The following USP15 variants were observed in gnomAD, a reference collection of about 807,000 sequenced individuals.
The protein encoded by USP15 is ubiquitin specific peptidase 15.
USP15 carries 18 observed loss-of-function variants against 127.1 expected under a neutral mutation model. That is an observed-to-expected ratio of 0.14 (90% CI 0.10 to 0.21). The LOEUF is 0.21. Among genes scored for constraint, USP15 ranks in the 10% least tolerant of loss-of-function variants. The pLI, the probability that USP15 is intolerant of heterozygous loss-of-function variation, is 1.00. For synonymous variants in USP15, 364 were observed against 393.7 expected, an observed-to-expected ratio of 0.92 and a Z score of 0.89; for missense variants, 805 against 1,159.9, an observed-to-expected ratio of 0.69 and a Z score of 4.44.
chr12:62,302,650 C>T (rs1393560558), intron 2 of USP15, 140 bp from the exon 3 acceptor site: 3 of 781,738 alleles, frequency 3.8e-6, no homozygotes, highest in African/African-American at 1.7e-5. Context: ...AAATTGGACA[C>T]CCCTGATGTA....
intron 4 of USP15, 86 bp downstream of exon 4, chr12:62,315,002 A>G: frequency 2.4e-6 from 3 of 1,275,480 alleles, no homozygotes; most frequent in Non-Finnish European, 3.1e-6. Context: ...TTGGATGATA[A>G]CCATTTTAAG....
rs745487544 is a variant in USP15, at chr12:62,335,825, C to T, written c.683+9892C>T. The T allele has an allele frequency of 6.1e-4, 604 of 985,264 alleles. 2 individuals carry two copies. The highest frequency in any genetic ancestry group is 5.2e-3 in the Middle Eastern group (10 of 1,914). 61.0% of individuals were successfully genotyped at this position (985,264 alleles called of 1,614,324 possible). On this transcript the variant is annotated intron_variant, in intron 6 of 21. Coordinates refer to ENST00000280377, the MANE Select transcript of USP15 (RefSeq NM_001252078.2). The stretch of plus-strand genomic sequence containing the variant: ...TTTCTTTTAACCTAGTTTATTTGAC[C>T]TGTCTTTAGTATTTCTTTTTGATAA...
chr12:62,339,437 A>C (rs1477111654), intron 6 of USP15, among the ~76,000 whole-genome samples: 1 of 152,000 alleles, frequency 6.6e-6, no homozygotes, highest in African/African-American at 2.4e-5. Flanking sequence ...GTTGAATAGG[A>C]GTGGTGAGAG....
intron 21 of USP15, among the ~76,000 whole-genome samples, chr12:62,402,734 A>T (rs924144983): frequency 6.6e-6 from 1 of 152,050 alleles, no homozygotes; most frequent in Admixed American, 6.6e-5. Context: ...TTGTTTAGAC[A>T]TTTTCTTACA....
chr12:62,278,145 C>A (rs933509913), intron 1 of USP15, among the ~76,000 whole-genome samples: 1 of 152,010 alleles, frequency 6.6e-6, no homozygotes. Flanking sequence ...TTAACCTAGG[C>A]CTGCACAGTC....
At chr12:62,341,761 T>C (rs530667078) in intron 6 of USP15, among the ~76,000 whole-genome samples, 1 of 152,354 alleles carries the variant, frequency 6.6e-6, no homozygotes, top group African/African-American at 2.4e-5. Context: ...GTTAGTCTGA[T>C]GGGCTTCCCT....
chr12:62,297,559 GA>G (rs112083123), intron 2 of USP15, among the ~76,000 whole-genome samples: 46,944 of 151,688 alleles, frequency 0.31, 7,524 homozygotes, highest in African/African-American at 0.38. Flanking sequence ...ATGGGTTTCT[GA>G]AAAAAAAGGA....
chr12:62,288,344 C>CT (rs34110065), intron 1 of USP15, among the ~76,000 whole-genome samples: 71,915 of 114,380 alleles, frequency 0.63, 23,048 homozygotes, highest in East Asian at 0.67. Context: ...TGGCATTTTA[C>CT]TTTTTTTTTT....
At chr12:62,314,206 A>G (rs2064762800) in intron 3 of USP15, 1 of 172,046 alleles carries the variant, frequency 5.8e-6, no homozygotes, top group Non-Finnish European at 1.2e-5. Context: ...CTAACATATC[A>G]GTTACCTAGC....
At chr12:62,331,570 A>T (rs1056366901) in intron 6 of USP15, among the ~76,000 whole-genome samples, 3 of 152,168 alleles carry the variant, frequency 2.0e-5, no homozygotes, top group African/African-American at 7.2e-5. Flanking sequence ...GTGAAACCAC[A>T]TGTTAGTATT....
intron 21 of USP15, among the ~76,000 whole-genome samples, chr12:62,403,355 A>G (rs1483067937): frequency 2.0e-5 from 3 of 152,058 alleles, no homozygotes; most frequent in African/African-American, 7.2e-5. Flanking sequence ...AACCAAAGAG[A>G]TAGTAGGAGA....
Position 62,369,849 on chromosome 12 carries a change from T to G in USP15, c.916-11641T>G, listed in dbSNP as rs1287309649. 2.6e-5 allele frequency among the ~76,000 whole-genome samples: 4 copies of G among 152,218 alleles called. No homozygotes were observed. In the East Asian group the frequency reaches 7.7e-4, roughly 29 times the overall value. On this transcript the variant is annotated intron_variant, in intron 8 of 21. Transcript: ENST00000280377. ...GAATGAAACATACATTTAGCTTCCT[T>G]TTATACTTACAGTAGTATCATTGTA...
intron 6 of USP15, among the ~76,000 whole-genome samples, chr12:62,344,491 G>A (rs188001055): frequency 6.2e-4 from 94 of 152,266 alleles, no homozygotes; most frequent in Middle Eastern, 6.8e-3. Flanking sequence ...TCATGGGCCA[G>A]CATTGTCTGC....
chr12:62,308,573 C>T (rs2064558499), intron 3 of USP15, among the ~76,000 whole-genome samples: 1 of 152,068 alleles, frequency 6.6e-6, no homozygotes, highest in Non-Finnish European at 1.5e-5. Flanking sequence ...TAGAGAGACT[C>T]ACATAATGAG....
intron 1 of USP15, among the ~76,000 whole-genome samples, chr12:62,278,020 T>C (rs2063541575): frequency 6.6e-6 from 1 of 152,226 alleles, no homozygotes; most frequent in South Asian, 2.1e-4. Context: ...ACCAATACAT[T>C]ATACAGCTGT....
At chr12:62,382,584 A>C (rs935513011) in intron 9 of USP15, among the ~76,000 whole-genome samples, 2 of 151,752 alleles carry the variant, frequency 1.3e-5, no homozygotes, top group Non-Finnish European at 2.9e-5. Flanking sequence ...ATTTTGGTAG[A>C]TTTTCTCTCT....
chr12:62,312,238 A>G, intron 3 of USP15: 1 of 298,462 alleles, frequency 3.4e-6, no homozygotes, highest in South Asian at 2.6e-5. Flanking sequence ...TTGTTTATAT[A>G]GTACTAGATT....
intron 8 of USP15, among the ~76,000 whole-genome samples, chr12:62,381,007 C>T (rs1057009050): frequency 6.6e-6 from 1 of 151,946 alleles, no homozygotes; most frequent in African/African-American, 2.4e-5. Context: ...AATGGTTGAC[C>T]ATATGGAAGG....
chr12:62,282,332 A>G (rs915798008), intron 1 of USP15, among the ~76,000 whole-genome samples: 3 of 151,906 alleles, frequency 2.0e-5, no homozygotes, highest in African/African-American at 7.2e-5. Flanking sequence ...CCTGTCTCCA[A>G]AAAAAAATAA....
Sources: gnomAD v4.1 joint callset for allele counts (sites outside exome capture counted in the v4.1 genomes callset) on GRCh38, gnomAD v4.1.1 for gene constraint, MANE v1.5 for transcripts, NCBI Gene and HGNC (gene_info 2026-07-23, HGNC 2026-07-21) for gene names.